The following COQ8B variants were observed in gnomAD, a reference collection of about 807,000 sequenced individuals.
COQ8B encodes atypical kinase COQ8B, mitochondrial.
COQ8B carries 44 observed loss-of-function variants against 62.0 expected under a neutral mutation model. That is an observed-to-expected ratio of 0.71 (90% confidence interval 0.56 to 0.91). The LOEUF (loss-of-function observed/expected upper bound fraction) is 0.91, where lower values mean the gene tolerates loss of function less well. COQ8B is among the 40% of genes least tolerant of loss of function. COQ8B has a pLI of 0.00. For synonymous variants in COQ8B, 252 were observed against 289.9 expected, an observed-to-expected ratio of 0.87 and a Z score of 1.33; for missense variants, 649 against 731.6, an observed-to-expected ratio of 0.89 and a Z score of 1.30.
chr19:40,715,870 T>TGTGTGTGTGTGTGTGTGC (rs1491577261), intron 1 of COQ8B: 3 of 143,092 alleles, frequency 2.1e-5, no homozygotes, highest in African/African-American at 7.8e-5. Flanking sequence ...TGTGTGTGTG[T>TGTGTGTGTGTGTGTGTGC]GCGCGCGCGC....
At chr19:40,713,670 G>A (rs538617777) in intron 4 of COQ8B, among the ~76,000 whole-genome samples, 3 of 147,116 alleles carry the variant, frequency 2.0e-5, no homozygotes, top group East Asian at 1.9e-4. Flanking sequence ...GAGCCAAGAC[G>A]GTGCCACTGC....
chr19:40,715,633 A>C (rs1599642924), intron 1 of COQ8B: 1 of 983,936 alleles, frequency 1.0e-6, no homozygotes, highest in South Asian at 4.7e-5. Context: ...TCTCTCGTGT[A>C]CATACCCTCC....
chr19:40,702,724 GC>G, intron 9 of COQ8B, 31 bp from the exon 10 acceptor site: 3 of 1,595,588 alleles, frequency 1.9e-6, no homozygotes, highest in South Asian at 2.2e-5. Context: ...CCAGGGAAGG[GC>G]CCCGAGCGCC....
intron 13 of COQ8B, among the ~76,000 whole-genome samples, chr19:40,694,712 T>A (rs2082000487): frequency 6.6e-6 from 1 of 152,192 alleles, no homozygotes; most frequent in African/African-American, 2.4e-5. Flanking sequence ...TATCACTGCC[T>A]CGTCTTGGCA....
Position 40,697,874 on chromosome 19 carries a change from A to AGAGAGAGAGAGAGAGAGAGAGAGT in COQ8B, c.1144-1821_1144-1820insACTCTCTCTCTCTCTCTCTCTCTC, listed in dbSNP as rs202234463. ...TATAGAGAGAGAGAGAGAGAGAGAG[A>AGAGAGAGAGAGAGAGAGAGAGAGT]GAGTTTCTACTGGGCGTTCATGCAA... On this transcript the variant is annotated intron_variant, in intron 12 of 14. Transcript: ENST00000324464. 3.3e-3 allele frequency among the ~76,000 whole-genome samples: 321 copies of AGAGAGAGAGAGAGAGAGAGAGAGT among 96,632 alleles called. 11 individuals carry two copies. The highest frequency in any genetic ancestry group is 6.0e-3 in the Middle Eastern group (1 of 168). The allele number at this position is 96,632 out of a possible 152,430, so 63.4% of individuals were successfully genotyped here.
At chr19:40,704,221 C>G (rs555311840) in intron 7 of COQ8B, 1 of 182,364 alleles carries the variant, frequency 5.5e-6, no homozygotes, top group Non-Finnish European at 1.1e-5. Context: ...ACTCTCACGG[C>G]TCACTGCAGC....
intron 4 of COQ8B, among the ~76,000 whole-genome samples, chr19:40,712,253 A>G (rs1053483636): frequency 5.9e-5 from 9 of 151,808 alleles, no homozygotes; most frequent in Admixed American, 4.6e-4. Flanking sequence ...CTTGACCAAC[A>G]TGGTGAAACC....
chr19:40,698,143 G>A (rs1181690621), intron 12 of COQ8B, among the ~76,000 whole-genome samples: 3 of 149,730 alleles, frequency 2.0e-5, no homozygotes, highest in Admixed American at 2.0e-4. Context: ...TTGAACCTGG[G>A]AGGCGGAGGG....
chr19:40,691,920 G>T lies in COQ8B; in HGVS notation c.*115C>A. ...GCTCCTGGGCCAAGGAGGAGAGCCA[G>T]GCAAGACTGGGAAGCCCAAGGGGGC... On this transcript the variant is annotated 3_prime_UTR_variant, in exon 15 of 15. Coordinates refer to ENST00000324464, the MANE Select transcript of COQ8B (RefSeq NM_024876.4). 1 of 1,042,132 alleles carries T rather than the reference G, an allele frequency of 9.6e-7. No individual in the cohort carries two copies. 64.6% of individuals were successfully genotyped at this position (1,042,132 alleles called of 1,614,324 possible).
chr19:40,705,754 T>A (rs1348469057), intron 5 of COQ8B, among the ~76,000 whole-genome samples: 4 of 151,828 alleles, frequency 2.6e-5, no homozygotes, highest in Non-Finnish European at 5.9e-5. Context: ...CCAGCCTGGA[T>A]AACAAAGCAA....
chr19:40,704,853 G>GTGTGGC (rs1369519682), intron 7 of COQ8B: 11 of 490,274 alleles, frequency 2.2e-5, no homozygotes, highest in African/African-American at 3.9e-5. Flanking sequence ...TATGATGTGG[G>GTGTGGC]TGTGGCTGTC....
At chr19:40,704,757 T>C (rs1482844456) in intron 7 of COQ8B, 1 of 201,032 alleles carries the variant, frequency 5.0e-6, no homozygotes, top group African/African-American at 2.3e-5. Flanking sequence ...AAAAAAACAG[T>C]AATAATCACA....
chr19:40,701,914 G>C (rs541896940), intron 10 of COQ8B, among the ~76,000 whole-genome samples: 2 of 152,336 alleles, frequency 1.3e-5, no homozygotes, highest in South Asian at 4.1e-4. Context: ...ATGCTTCCAA[G>C]ATATAACCAC....
In COQ8B at chr19:40,705,122, C is replaced by A; in HGVS notation, c.550G>T (p.Asp184Tyr). 6.2e-7 allele frequency: 1 copy of A among 1,611,644 alleles called. No individual in the cohort carries two copies. Among genetic ancestry groups the A allele is most frequent in the South Asian group, 1.1e-5 (1 of 90,536 alleles). The change falls in exon 7 of 15, where the codon GAC (aspartate) becomes TAC (tyrosine). Residue 184 changes from aspartate to tyrosine, a missense_variant. Transcript: ENST00000324464. The part of the protein sequence containing the change: ...HIFERVRQSA[D>Y]FMPRWQMLRV... ...AGCATCTGCCAGCGGGGCATGAAGT[C>A]GGCGCTCTGGCGGACCCGCTCAAAG...
Position 40,713,566 on chromosome 19 carries a change from A to AT in COQ8B, c.289+500_289+501insA, listed in dbSNP as rs545526078. Among the ~76,000 whole-genome samples the AT allele has an allele frequency of 1.4e-3, 196 of 144,594 alleles. 8 individuals carry two copies. The highest frequency in any genetic ancestry group is 2.9e-3 in the East Asian group (14 of 4,890). The allele number at this position is 144,594 out of a possible 152,430, so 94.9% of individuals were successfully genotyped here. A position where few individuals can be genotyped will look rare whatever the true frequency, so the allele number is the denominator to read the frequency against. On this transcript the variant is annotated intron_variant, in intron 4 of 14. Coordinates refer to ENST00000324464, the MANE Select transcript of COQ8B (RefSeq NM_024876.4). The stretch of plus-strand genomic sequence containing the variant: ...TCCGTCTCAAAAAAAAAAAAAAAAA[A>AT]ATAGCCAGGCATAGTGGCAGGCACC...
chr19:40,715,682 C>G, intron 1 of COQ8B: 1 of 906,940 alleles, frequency 1.1e-6, no homozygotes, highest in Non-Finnish European at 1.3e-6. Flanking sequence ...CCTCACACAC[C>G]CTGTTCTCTC....
In COQ8B at chr19:40,705,158, G is replaced by A. The variant is rs776100391; in HGVS notation, c.514C>T (p.Leu172=). The part of the protein sequence containing the change: ...IQDNSFISPQ[L]QHIFERVRQS... ...CGGACCCGCTCAAAGATGTGCTGCA[G>A]CTGAGGGCTGATGAAGCTGTTGTCT... is the stretch of plus-strand genomic sequence containing the variant. The change falls in exon 7 of 15, where the codon CTG becomes TTG. Residue 172 remains leucine (L), a synonymous_variant. Coordinates refer to ENST00000324464, the MANE Select transcript of COQ8B (RefSeq NM_024876.4). The A allele has an allele frequency of 6.2e-7, 1 of 1,613,386 alleles. No homozygotes were observed. Among genetic ancestry groups the A allele is most frequent in the Non-Finnish European group, 8.5e-7 (1 of 1,179,686 alleles).
Position 40,703,550 on chromosome 19 carries a change from G to A in COQ8B, c.790C>T (p.Leu264=), listed in dbSNP as rs1351059332. 6.2e-7 allele frequency: 1 copy of A among 1,605,418 alleles called. No individual in the cohort carries two copies. The highest frequency in any genetic ancestry group is 8.5e-7 in the Non-Finnish European group (1 of 1,174,734). The change falls in exon 9 of 15, where the codon CTG becomes TTG. Residue 264 remains leucine (L), a synonymous_variant. Transcript: ENST00000324464. The part of the protein sequence containing the change: ...LLAVLKMSAA[L]PAGLFAEQSL... ...TGGGTGGGCGCCTCACCCGCGGGCAGGGCCGCGCTCATCTTGAGTACCGCC... is the reference window on the plus strand; with the variant it reads ...TGGGTGGGCGCCTCACCCGCGGGCAAGGCCGCGCTCATCTTGAGTACCGCC...
At chr19:40,698,830 A>G (rs948084667) in intron 12 of COQ8B, among the ~76,000 whole-genome samples, 1 of 152,156 alleles carries the variant, frequency 6.6e-6, no homozygotes, top group Non-Finnish European at 1.5e-5. Context: ...GGGATAGACC[A>G]CTTTGGAAAA....
Sources: gnomAD v4.1 joint callset for allele counts (sites outside exome capture counted in the v4.1 genomes callset) on GRCh38, gnomAD v4.1.1 for gene constraint, MANE v1.5 for transcripts, NCBI Gene and HGNC (gene_info 2026-07-23, HGNC 2026-07-21) for gene names.